The following TSHZ2 variants were observed in gnomAD, a reference collection of about 807,000 sequenced individuals.
The protein encoded by TSHZ2 is teashirt zinc finger homeobox 2.
Under a neutral mutation model 74.4 loss-of-function variants are expected in TSHZ2, and 21 were observed. That is an observed-to-expected ratio of 0.28 (90% CI 0.20 to 0.41). The LOEUF is 0.41. TSHZ2 is among the 10% of genes least tolerant of loss of function. The pLI, the probability that TSHZ2 is intolerant of heterozygous loss-of-function variation, is 1.00. For missense variants in TSHZ2, 1,244 were observed against 1,293.5 expected, an observed-to-expected ratio of 0.96 and a Z score of 0.59; for synonymous variants, 540 against 515.3, an observed-to-expected ratio of 1.05 and a Z score of -0.65.
intron 1 of TSHZ2, among the ~76,000 whole-genome samples, chr20:53,016,874 A>G (rs1451149900): frequency 6.6e-6 from 1 of 152,106 alleles, no homozygotes; most frequent in East Asian, 1.9e-4. Context: ...CCAAATCACA[A>G]TGACTTAACA....
chr20:53,399,389 C>T (rs974108110), intron 2 of TSHZ2: 2 of 152,104 alleles, frequency 1.3e-5, no homozygotes. Context: ...TATGAATGGC[C>T]TTTCTTGTCT....
chr20:53,205,350 T>G (rs1468010938), intron 1 of TSHZ2, among the ~76,000 whole-genome samples: 1 of 152,180 alleles, frequency 6.6e-6, no homozygotes. Context: ...TTGTGGGCAA[T>G]GCTTCATTTA....
At chr20:53,118,908 G>T (rs576975416) in intron 1 of TSHZ2, among the ~76,000 whole-genome samples, 1 of 152,290 alleles carries the variant, frequency 6.6e-6, no homozygotes, top group African/African-American at 2.4e-5. Flanking sequence ...CACAATCATG[G>T]CAGAAGATGA....
At chr20:53,158,389 G>C (rs1987847220) in intron 1 of TSHZ2, among the ~76,000 whole-genome samples, 1 of 152,176 alleles carries the variant, frequency 6.6e-6, no homozygotes, top group Admixed American at 6.5e-5. Flanking sequence ...ATGGACCGTG[G>C]TGGGGGTGAG....
At position 53,255,498 on chromosome 20, in the gene TSHZ2, C is replaced by T. The variant is rs770819228; in HGVS notation, c.2040C>T (p.Cys680=). The T allele has an allele frequency of 2.7e-5, 43 of 1,594,912 alleles. No homozygotes were observed. The highest frequency in any genetic ancestry group is 2.7e-4 in the East Asian group (12 of 44,746). The change falls in exon 2 of 3, where the codon TGC becomes TGT. Residue 680 remains cysteine (C), a synonymous_variant. Coordinates refer to ENST00000371497, the MANE Select transcript of TSHZ2 (RefSeq NM_173485.6). This position sits in a 1 kb window ranked among gnomAD's most constrained non-coding sequence, Gnocchi z 4.1. ...LEPTSALSNG[C]ALANHAPALP... ...CCACATCTGCTCTGAGCAATGGGTG[C>T]GCCCTCGCCAACCACGCCCCGGCCC...
chr20:53,103,503 T>C (rs867169183), intron 1 of TSHZ2, among the ~76,000 whole-genome samples: 4 of 152,152 alleles, frequency 2.6e-5, no homozygotes, highest in South Asian at 4.1e-4. Context: ...TGGGGGGAAA[T>C]ATTTTGTCTA....
rs553297228 is a variant in TSHZ2, at chr20:53,221,230, C to G, written c.41-32269C>G. ...TGCCATGATTGTGAGGCCCCCCCCG[C>G]CATGTAGAACTGTGAGTCCATTAAA... On this transcript the variant is annotated intron_variant, in intron 1 of 2. Coordinates refer to ENST00000371497, the MANE Select transcript of TSHZ2 (RefSeq NM_173485.6). Among the ~76,000 whole-genome samples, 5 of 152,258 alleles carry G rather than the reference C, an allele frequency of 3.3e-5. No homozygotes were observed. The East Asian group carries it at 5.8e-4, about 18-fold the overall frequency.
At chr20:53,345,739 C>G (rs1038901407) in intron 2 of TSHZ2, among the ~76,000 whole-genome samples, 6 of 150,984 alleles carry the variant, frequency 4.0e-5, no homozygotes, top group African/African-American at 1.5e-4. Context: ...TCCTCCCTGC[C>G]CCTCCTCCCC....
At chr20:53,346,401 G>A (rs1207266636) in intron 2 of TSHZ2, among the ~76,000 whole-genome samples, 3 of 152,228 alleles carry the variant, frequency 2.0e-5, no homozygotes, top group African/African-American at 4.8e-5. Flanking sequence ...AAGCCAGCAC[G>A]CTCTGAACTT....
intron 1 of TSHZ2, among the ~76,000 whole-genome samples, chr20:53,250,475 T>C (rs1298373444): frequency 6.6e-6 from 1 of 152,164 alleles, no homozygotes; most frequent in East Asian, 1.9e-4. Flanking sequence ...ATGTATAATA[T>C]TGAAAGGTGT....
chr20:53,367,632 G>A (rs6022422), intron 2 of TSHZ2, among the ~76,000 whole-genome samples: 5 of 151,494 alleles, frequency 3.3e-5, no homozygotes, highest in African/African-American at 1.2e-4. Context: ...GTGCAGTGGC[G>A]CGATCTCGGC....
chr20:53,003,026 C>T (rs527600325), intron 1 of TSHZ2, among the ~76,000 whole-genome samples: 21 of 152,170 alleles, frequency 1.4e-4, no homozygotes, highest in East Asian at 3.9e-4. Flanking sequence ...TGTGCTTCTA[C>T]GTTGTAGACA....
At chr20:53,160,624 C>G (rs185440299) in intron 1 of TSHZ2, among the ~76,000 whole-genome samples, 163 of 151,786 alleles carry the variant, frequency 1.1e-3, no homozygotes, top group African/African-American at 3.9e-3. Context: ...CAAAAATTAA[C>G]TTGGCATGGT....
chr20:53,308,172 C>G (rs768287076), intron 2 of TSHZ2, among the ~76,000 whole-genome samples: 1 of 152,138 alleles, frequency 6.6e-6, no homozygotes, highest in Non-Finnish European at 1.5e-5. Context: ...GACATGTGTA[C>G]TGGGGAGTCA....
chr20:52,975,960 G>A (rs1433655290), intron 1 of TSHZ2, among the ~76,000 whole-genome samples: 1 of 152,194 alleles, frequency 6.6e-6, no homozygotes, highest in Non-Finnish European at 1.5e-5. Context: ...CCCAAGGACT[G>A]ATGTTGAAAG....
At chr20:53,338,669 C>T (rs1246621945) in intron 2 of TSHZ2, among the ~76,000 whole-genome samples, 1 of 152,068 alleles carries the variant, frequency 6.6e-6, no homozygotes, top group Admixed American at 6.6e-5. Flanking sequence ...CAGCCCACCC[C>T]CTACAAGAAA....
At chr20:53,179,989 GAAA>G (rs1364793383) in intron 1 of TSHZ2, among the ~76,000 whole-genome samples, 1 of 152,208 alleles carries the variant, frequency 6.6e-6, no homozygotes, top group African/African-American at 2.4e-5. Flanking sequence ...AACACCTTCT[GAAA>G]GGAAAATACG....
chr20:53,066,680 G>T (rs1402867266), intron 1 of TSHZ2, among the ~76,000 whole-genome samples: 1 of 152,116 alleles, frequency 6.6e-6, no homozygotes, highest in South Asian at 2.1e-4. Flanking sequence ...GCTAATTTTT[G>T]TATTTTTAGT....
chr20:53,287,179 AC>A (rs1477592175), intron 2 of TSHZ2, among the ~76,000 whole-genome samples: 4 of 152,188 alleles, frequency 2.6e-5, no homozygotes, highest in African/African-American at 9.7e-5. Flanking sequence ...AATATACTGA[AC>A]TTTTTCAAGG....
Sources: allele counts gnomAD v4.1 joint callset (sites outside exome capture counted in the v4.1 genomes callset), GRCh38; gene constraint gnomAD v4.1.1; non-coding constraint Gnocchi (gnomAD v3.1); transcripts MANE v1.5; gene names NCBI Gene and HGNC (gene_info 2026-07-23, HGNC 2026-07-21).